Variants in ASAP2 observed in about 807,000 individuals in gnomAD.
ASAP2 encodes the protein arf-GAP with SH3 domain, ANK repeat and PH domain-containing protein 2.
ASAP2 carries 45 observed loss-of-function variants against 131.4 expected under a neutral mutation model. The ratio of observed to expected loss-of-function variants is 0.34; its 90% CI spans 0.27 to 0.44. The LOEUF is 0.44. Ranked by LOEUF, ASAP2 falls within the 20% of genes least tolerant of loss-of-function variation. The pLI, the probability that ASAP2 is intolerant of heterozygous loss-of-function variation, is 1.00. For synonymous variants in ASAP2, 510 were observed against 503.0 expected (o/e 1.01, Z -0.19); for missense variants, 1,011 against 1,297.0 (o/e 0.78, Z 3.39).
intron 16 of ASAP2, among the ~76,000 whole-genome samples, chr2:9,369,480 C>T (rs563990319): frequency 6.6e-6 from 1 of 152,264 alleles, no homozygotes; most frequent in South Asian, 2.1e-4. Flanking sequence ...CCTTAGACTT[C>T]AGCTCTGTTT....
chr2:9,393,652 G>C lies in ASAP2; in HGVS notation c.2684+5G>C. 6.4e-7 allele frequency: 1 copy of C among 1,558,496 alleles called. No individual in the cohort carries two copies. The highest frequency in any genetic ancestry group is 8.6e-7 in the Non-Finnish European group (1 of 1,156,766). Reference sequence around the variant, plus strand: ...GCAGAAGAAGCCTGCGCCGGGGTAAGCCACCCCCAGCCAGCTCGGCCATCC... The same window carrying C: ...GCAGAAGAAGCCTGCGCCGGGGTAACCCACCCCCAGCCAGCTCGGCCATCC... On this transcript the variant is annotated splice_donor_5th_base_variant and intron_variant, in intron 24 of 27. Coordinates refer to ENST00000281419, the MANE Select transcript of ASAP2 (RefSeq NM_003887.3).
At chr2:9,300,596 C>A (rs1465047388) in intron 3 of ASAP2, among the ~76,000 whole-genome samples, 3 of 152,190 alleles carry the variant, frequency 2.0e-5, no homozygotes, top group Non-Finnish European at 4.4e-5. Context: ...GAGCACCCAC[C>A]GGTGTAGCAA....
In ASAP2 at chr2:9,344,593, A is replaced by T. The variant is rs772628333; in HGVS notation, c.911A>T (p.His304Leu). Residue 304 changes from histidine to leucine, a missense_variant, in exon 10 of 28, where the codon CAT becomes CTT. His to Leu is a moderately conservative substitution (Grantham distance 99). Transcript: ENST00000281419. ...SLHQPQGNKE[H>L]GTERNGSLYK... ...CATCAGCCTCAGGGAAACAAGGAAC[A>T]TGGGACCGAGCGGAACGGCAGCCTC... The T allele has an allele frequency of 2.5e-6, 4 of 1,614,086 alleles. No homozygotes were observed. In the African/African-American group the frequency reaches 5.3e-5, roughly 22 times the overall value.
chr2:9,394,410 T>C (rs1382711913), intron 24 of ASAP2, among the ~76,000 whole-genome samples: 2 of 152,042 alleles, frequency 1.3e-5, no homozygotes, highest in African/African-American at 4.8e-5. Context: ...GTGATCCACC[T>C]GCCTCGGCCT....
chr2:9,210,565 T>TA (rs994266589), intron 1 of ASAP2, among the ~76,000 whole-genome samples: 9 of 152,000 alleles, frequency 5.9e-5, no homozygotes, highest in African/African-American at 2.2e-4. Flanking sequence ...CCATGTGTTT[T>TA]TTTTTTTGAG....
intron 25 of ASAP2, among the ~76,000 whole-genome samples, 200 bp downstream of exon 25, chr2:9,400,272 C>G (rs1463385165): frequency 5.8e-5 from 6 of 103,236 alleles, no homozygotes; most frequent in Admixed American, 1.8e-4. Flanking sequence ...CTCTTCCTCT[C>G]CTTCCTTCCC....
At chr2:9,271,767 AT>A (rs964190719) in intron 1 of ASAP2, 12,291 of 310,268 alleles carry the variant, frequency 0.04, no homozygotes, top group Middle Eastern at 0.063. Context: ...GGTGGTTTTA[AT>A]TTTTTTTTTT....
At chr2:9,288,598 G>A (rs566423932) in intron 2 of ASAP2, among the ~76,000 whole-genome samples, 22 of 152,164 alleles carry the variant, frequency 1.4e-4, no homozygotes, top group Non-Finnish European at 2.6e-4. Context: ...GTAATGTAGC[G>A]AGTCAGATTG....
intron 1 of ASAP2, among the ~76,000 whole-genome samples, chr2:9,238,781 T>G (rs1368930277): frequency 6.6e-6 from 1 of 152,184 alleles, no homozygotes; most frequent in Non-Finnish European, 1.5e-5. Context: ...ATCCCCACCA[T>G]TATGACCTAA....
intron 1 of ASAP2, among the ~76,000 whole-genome samples, chr2:9,244,166 C>T (rs527803631): frequency 3.3e-5 from 5 of 152,134 alleles, no homozygotes; most frequent in East Asian, 1.9e-4. Flanking sequence ...TTTGGTGGCA[C>T]GCACCTGTGG....
At chr2:9,276,537 TTC>T (rs746407542) in intron 1 of ASAP2, among the ~76,000 whole-genome samples, 1 of 152,040 alleles carries the variant, frequency 6.6e-6, no homozygotes, top group Non-Finnish European at 1.5e-5. Flanking sequence ...CATCTTTTTT[TTC>T]TCTTTTTTTT....
intron 9 of ASAP2, among the ~76,000 whole-genome samples, chr2:9,341,787 G>T (rs894169379): frequency 6.6e-6 from 1 of 152,094 alleles, no homozygotes; most frequent in South Asian, 2.1e-4. Flanking sequence ...CCGATGTTCC[G>T]CCCTTCTGAG....
chr2:9,374,114 CT>C (rs1674198197), intron 16 of ASAP2, among the ~76,000 whole-genome samples: 1 of 152,344 alleles, frequency 6.6e-6, no homozygotes, highest in South Asian at 2.1e-4. Context: ...CTTTGGCCCC[CT>C]TTTGTTCCTG....
intron 1 of ASAP2, among the ~76,000 whole-genome samples, chr2:9,274,687 A>G (rs1324984104): frequency 2.0e-5 from 3 of 152,170 alleles, no homozygotes; most frequent in Admixed American, 6.5e-5. Context: ...TTAATTGTCT[A>G]TAAATATGCA....
At chr2:9,274,181 C>T (rs907462753) in intron 1 of ASAP2, among the ~76,000 whole-genome samples, 5 of 152,154 alleles carry the variant, frequency 3.3e-5, no homozygotes, top group African/African-American at 4.8e-5. Context: ...AAGATCACAT[C>T]ATCTGCAAAC....
At chr2:9,343,198 G>A (rs1483778264) in intron 9 of ASAP2, among the ~76,000 whole-genome samples, 1 of 152,172 alleles carries the variant, frequency 6.6e-6, no homozygotes, top group Non-Finnish European at 1.5e-5. Flanking sequence ...GCTTTAAGGA[G>A]CTCTGCACCT....
At chr2:9,293,885 G>T (rs974153621) in intron 2 of ASAP2, among the ~76,000 whole-genome samples, 2 of 152,098 alleles carry the variant, frequency 1.3e-5, no homozygotes, top group African/African-American at 4.8e-5. Context: ...TGAAAGCACT[G>T]TAAACGTAAA....
At chr2:9,373,138 G>A (rs375498949) in intron 16 of ASAP2, among the ~76,000 whole-genome samples, 1 of 152,060 alleles carries the variant, frequency 6.6e-6, no homozygotes, top group South Asian at 2.1e-4. Flanking sequence ...TGTGCCGGGG[G>A]ACGTTGAGGC....
At chr2:9,274,171 A>G (rs1045736094) in intron 1 of ASAP2, among the ~76,000 whole-genome samples, 9 of 152,170 alleles carry the variant, frequency 5.9e-5, no homozygotes, top group Admixed American at 1.3e-4. Context: ...TTCCAAATAT[A>G]AGATCACATC....
Sources: gnomAD v4.1 joint callset for allele counts (sites outside exome capture counted in the v4.1 genomes callset) on GRCh38, gnomAD v4.1.1 for gene constraint, MANE v1.5 for transcripts, NCBI Gene and HGNC (gene_info 2026-07-23, HGNC 2026-07-21) for gene names.